ACTR3B: variants seen among roughly 807,000 people sequenced by gnomAD.
ACTR3B encodes the protein actin-related protein 3B.
A neutral mutation model predicts 59.0 loss-of-function variants in ACTR3B; 8 were observed. The observed-to-expected ratio is 0.14, with a 90% CI of 0.08 to 0.24. The LOEUF (loss-of-function observed/expected upper bound fraction) is 0.24. Among genes scored for constraint, ACTR3B ranks in the 10% least tolerant of loss-of-function variants. The pLI is 1.00. For missense variants in ACTR3B, 245 were observed against 552.3 expected (o/e 0.44, Z 5.58); for synonymous variants, 148 against 197.9 (o/e 0.75, Z 2.12).
chr7:152,846,013 A>G (rs1798240097), intron 9 of ACTR3B, among the ~76,000 whole-genome samples: 1 of 152,278 alleles, frequency 6.6e-6, no homozygotes. Context: ...TCAGAATGAC[A>G]AAGTATGTGT....
At chr7:152,812,019 C>CTTTTTTTTTTTTTTTTTTTTTTTTTTT (rs1164677748) in intron 4 of ACTR3B, 1 of 23,356 alleles carries the variant, frequency 4.3e-5, no homozygotes, top group African/African-American at 1.1e-4. Flanking sequence ...AAATAAAAGT[C>CTTTTTTTTTTTTTTTTTTTTTTTTTTT]TTTTTTTTTT....
At chr7:152,788,411 G>GTTTTTT (rs1194612264) in intron 2 of ACTR3B, among the ~76,000 whole-genome samples, 1 of 130,828 alleles carries the variant, frequency 7.6e-6, no homozygotes, top group African/African-American at 3.1e-5. Flanking sequence ...ATGTTCTAAA[G>GTTTTTT]TTTTTTTTTT....
chr7:152,764,086 A>G (rs2098099854), intron 1 of ACTR3B, among the ~76,000 whole-genome samples: 4 of 150,190 alleles, frequency 2.7e-5, no homozygotes, highest in Admixed American at 2.7e-4. Flanking sequence ...GCTCACTACA[A>G]CCTCTGCCTC....
intron 9 of ACTR3B, among the ~76,000 whole-genome samples, chr7:152,834,112 A>G (rs373531324): frequency 4.7e-5 from 7 of 150,196 alleles, no homozygotes; most frequent in African/African-American, 1.7e-4. Context: ...GTAAAAAAAC[A>G]CTTTTACAAA....
rs1796447468 is a variant in ACTR3B at position 152,824,849 on chromosome 7, T to A, written c.859-181T>A. On this transcript the variant is annotated intron_variant, in intron 8 of 11. Transcript: ENST00000256001. This position sits in a 1 kb window ranked among gnomAD's most constrained non-coding sequence, Gnocchi z 4.2. Reference sequence around the variant, plus strand: ...ATTTTACCTCATGAGGAGAAATGTGTCATCACCGCTCCACGCACTTGTAGT... The same window carrying A: ...ATTTTACCTCATGAGGAGAAATGTGACATCACCGCTCCACGCACTTGTAGT... 6.6e-6 allele frequency among the ~76,000 whole-genome samples: 1 copy of A among 152,376 alleles called. No individual in the cohort carries two copies. The highest frequency in any genetic ancestry group is 1.9e-4 in the East Asian group (1 of 5,192).
At chr7:152,846,312 A>G (rs867851181) in intron 9 of ACTR3B, among the ~76,000 whole-genome samples, 6 of 140,152 alleles carry the variant, frequency 4.3e-5, no homozygotes, top group Middle Eastern at 4.2e-3. Flanking sequence ...CCTGGGCTGC[A>G]GTCTGCAGTG....
rs925259822 is a variant in ACTR3B, at chr7:152,763,313, CAAAAAAAAA to C, written c.44+3409_44+3417del. Among the ~76,000 whole-genome samples, 6 of 20,496 alleles carry C rather than the reference CAAAAAAAAA, an allele frequency of 2.9e-4. No individual in the cohort carries two copies. The East Asian group carries it at 3.4e-3, about 12-fold the overall frequency. 13.4% of individuals were successfully genotyped at this position (20,496 alleles called of 152,430 possible). On this transcript the variant is annotated intron_variant, in intron 1 of 11. Transcript: ENST00000256001. Reference sequence around the variant, plus strand: ...CTGGTGACAGAGCGAGACTCCATCTCAAAAAAAAAAAAAAAAAAAAAAAAAAAAAAGTCA... The same window carrying C: ...CTGGTGACAGAGCGAGACTCCATCTCAAAAAAAAAAAAAAAAAAAAAGTCA...
chr7:152,770,785 A>G (rs1351570596), intron 1 of ACTR3B, among the ~76,000 whole-genome samples: 6 of 134,134 alleles, frequency 4.5e-5, no homozygotes, highest in African/African-American at 1.8e-4. Flanking sequence ...AAGCATGGCA[A>G]CGAGTTGTTG....
chr7:152,843,593 A>G (rs1798036657), intron 9 of ACTR3B, among the ~76,000 whole-genome samples: 1 of 152,272 alleles, frequency 6.6e-6, no homozygotes. Flanking sequence ...CTTCTCAAGT[A>G]TTATAATAAA....
chr7:152,772,770 A>G (rs373070621), intron 1 of ACTR3B, among the ~76,000 whole-genome samples: 2,417 of 146,362 alleles, frequency 0.017, 5 homozygotes, highest in African/African-American at 0.056. Flanking sequence ...CAATAATTGA[A>G]TAATCTTTCT....
At chr7:152,811,026 A>G (rs1394497731) in intron 4 of ACTR3B, 1 of 151,854 alleles carries the variant, frequency 6.6e-6, no homozygotes, top group Non-Finnish European at 1.5e-5. Context: ...GTTTCTTCAT[A>G]GAGTTCATTT....
At chr7:152,769,955 A>G (rs775888615) in intron 1 of ACTR3B, among the ~76,000 whole-genome samples, 4 of 151,828 alleles carry the variant, frequency 2.6e-5, no homozygotes, top group Non-Finnish European at 5.9e-5. Flanking sequence ...CATTCTTTTC[A>G]TGTTGCATTG....
At position 152,765,594 on chromosome 7, in the gene ACTR3B, A is replaced by T. The variant is rs564145793; in HGVS notation, c.44+5668A>T. Among the ~76,000 whole-genome samples, 78 of 152,074 alleles carry T rather than the reference A, an allele frequency of 5.1e-4. 1 individual carries two copies. The highest frequency in any genetic ancestry group is 6.2e-4 in the Non-Finnish European group (42 of 67,988). On this transcript the variant is annotated intron_variant, in intron 1 of 11. Coordinates refer to ENST00000256001, the MANE Select transcript of ACTR3B (RefSeq NM_020445.6). ...ATGTAAATTATGTAATGCAACATTT[A>T]AAAAAATCTTCACCTTAATACTTTT...
At chr7:152,793,987 T>A (rs980535655) in intron 2 of ACTR3B, among the ~76,000 whole-genome samples, 4 of 151,986 alleles carry the variant, frequency 2.6e-5, no homozygotes, top group African/African-American at 9.7e-5. Flanking sequence ...TGTTGTGCTG[T>A]ACTAGAGATA....
chr7:152,786,607 G>A (rs1019736149), intron 2 of ACTR3B, among the ~76,000 whole-genome samples: 1 of 150,164 alleles, frequency 6.7e-6, no homozygotes, highest in East Asian at 1.9e-4. Context: ...AAACCCCATG[G>A]ACTCACCACC....
At chr7:152,768,754 G>A (rs1218066863) in intron 1 of ACTR3B, among the ~76,000 whole-genome samples, 2 of 151,974 alleles carry the variant, frequency 1.3e-5, no homozygotes, top group African/African-American at 4.8e-5. Context: ...GGGATTACAG[G>A]CATGAGCCAC....
intron 9 of ACTR3B, among the ~76,000 whole-genome samples, chr7:152,833,260 G>T (rs190497271): frequency 7.3e-4 from 111 of 152,210 alleles, no homozygotes; most frequent in African/African-American, 2.5e-3. Context: ...CCCATCAGGC[G>T]GCCGTTGAGG....
At chr7:152,815,014 A>G (rs565360685) in intron 5 of ACTR3B, among the ~76,000 whole-genome samples, 10 of 151,620 alleles carry the variant, frequency 6.6e-5, no homozygotes, top group African/African-American at 2.2e-4. Flanking sequence ...GGCTCTTATG[A>G]GTCCCAGTGT....
At chr7:152,844,708 A>G (rs1798132525) in intron 9 of ACTR3B, among the ~76,000 whole-genome samples, 1 of 150,278 alleles carries the variant, frequency 6.7e-6, no homozygotes, top group Admixed American at 6.7e-5. Flanking sequence ...ATCTCTCACT[A>G]TCTTTTTGGT....
Sources: gnomAD v4.1 joint callset for allele counts (sites outside exome capture counted in the v4.1 genomes callset) on GRCh38, gnomAD v4.1.1 for gene constraint, Gnocchi (gnomAD v3.1) non-coding constraint, MANE v1.5 for transcripts, NCBI Gene and HGNC (gene_info 2026-07-23, HGNC 2026-07-21) for gene names.